The following CLMN variants were observed in gnomAD, a reference collection of about 807,000 sequenced individuals.
The protein encoded by CLMN is calmin (calponin-like, transmembrane).
CLMN carries 57 observed loss-of-function variants against 92.7 expected under a neutral mutation model. That is an observed-to-expected ratio of 0.61 (90% CI 0.50 to 0.77). The LOEUF is 0.77. Ranked by LOEUF, CLMN falls within the 30% of genes least tolerant of loss-of-function variation. The probability of loss-of-function intolerance (pLI) is 0.00; values close to 1 mark genes in which losing one functional copy is unlikely to be tolerated. For missense variants in CLMN, 1,158 were observed against 1,237.5 expected, an observed-to-expected ratio of 0.94 and a Z score of 0.96; for synonymous variants, 466 against 470.6, an observed-to-expected ratio of 0.99 and a Z score of 0.13.
intron 1 of CLMN, among the ~76,000 whole-genome samples, chr14:95,231,477 C>A (rs543264751): frequency 2.7e-4 from 41 of 152,246 alleles, no homozygotes; most frequent in African/African-American, 9.1e-4. Flanking sequence ...GGATTACAGG[C>A]GTGAGCCACC....
At chr14:95,227,570 G>A (rs1422129698) in intron 2 of CLMN, among the ~76,000 whole-genome samples, 3 of 152,210 alleles carry the variant, frequency 2.0e-5, no homozygotes, top group Non-Finnish European at 4.4e-5. Context: ...TTACTTCTGA[G>A]TTAAACCTGA....
intron 1 of CLMN, among the ~76,000 whole-genome samples, chr14:95,235,099 ACTCT>A (rs538757266): frequency 4.0e-5 from 6 of 150,398 alleles, no homozygotes; most frequent in Admixed American, 6.6e-5. Context: ...CCCAGAGAAA[ACTCT>A]CTCTCTTTCT....
intron 2 of CLMN, among the ~76,000 whole-genome samples, chr14:95,225,974 T>C (rs1312450382): frequency 1.3e-5 from 2 of 152,232 alleles, no homozygotes; most frequent in East Asian, 3.9e-4. Flanking sequence ...AGTGTGAGGA[T>C]TTGCAAACTC....
At chr14:95,261,036 G>A (rs1460472521) in intron 1 of CLMN, among the ~76,000 whole-genome samples, 1 of 151,998 alleles carries the variant, frequency 6.6e-6, no homozygotes, top group Non-Finnish European at 1.5e-5. Flanking sequence ...CACTAACACT[G>A]AACTCATGGC....
At chr14:95,213,971 G>A (rs1897262825) in intron 5 of CLMN, among the ~76,000 whole-genome samples, 1 of 152,024 alleles carries the variant, frequency 6.6e-6, no homozygotes, top group African/African-American at 2.4e-5. Context: ...AGATGAGTAG[G>A]AGGTCTAGCG....
At chr14:95,221,880 A>G (rs1897553917) in intron 3 of CLMN, 106 bp from the exon 4 acceptor site, 4 of 1,102,252 alleles carry the variant, frequency 3.6e-6, no homozygotes, top group Non-Finnish European at 5.2e-6. Flanking sequence ...ATGAATTTCA[A>G]GAAAAAGTTA....
intron 1 of CLMN, among the ~76,000 whole-genome samples, chr14:95,285,578 C>T (rs1900310299): frequency 6.6e-6 from 1 of 152,144 alleles, no homozygotes; most frequent in South Asian, 2.1e-4. Flanking sequence ...TAGAACATGC[C>T]TTCCTCCCCT....
intron 1 of CLMN, among the ~76,000 whole-genome samples, chr14:95,266,330 G>A (rs1899473593): frequency 6.6e-6 from 1 of 152,150 alleles, no homozygotes; most frequent in African/African-American, 2.4e-5. Context: ...ACCAAAAAAT[G>A]TTAGAACTGA....
intron 1 of CLMN, among the ~76,000 whole-genome samples, chr14:95,288,234 C>T (rs1278804960): frequency 6.6e-6 from 1 of 152,238 alleles, no homozygotes; most frequent in East Asian, 1.9e-4. Flanking sequence ...CTTACGTGAA[C>T]AGCTGCAAAC....
intron 1 of CLMN, among the ~76,000 whole-genome samples, chr14:95,274,860 T>C (rs1392474174): frequency 6.6e-6 from 1 of 151,602 alleles, no homozygotes; most frequent in Non-Finnish European, 1.5e-5. Flanking sequence ...GCGCCTGTAG[T>C]CCTAGCTACT....
chr14:95,209,502 GC>G lies in CLMN; in HGVS notation c.803-26del, dbSNP rs756888504. 15 of 1,575,610 alleles carry G rather than the reference GC, an allele frequency of 9.5e-6. No individual in the cohort carries two copies. In the African/African-American group the frequency reaches 1.6e-4, roughly 17 times the overall value. On this transcript the variant is annotated intron_variant, in intron 7 of 12. Coordinates refer to ENST00000298912, the MANE Select transcript of CLMN (RefSeq NM_024734.4). ...TCTGTCGAGAGAGACACAGGAATTA[GC>G]AGGAGATACAAACACACACGCTTTC... is the stretch of plus-strand genomic sequence containing the variant.
At chr14:95,198,576 C>T (rs956245544) in intron 9 of CLMN, among the ~76,000 whole-genome samples, 7 of 152,126 alleles carry the variant, frequency 4.6e-5, no homozygotes, top group South Asian at 4.1e-4. Context: ...GGTGAGGCAG[C>T]GGACCGGAGC....
intron 1 of CLMN, among the ~76,000 whole-genome samples, chr14:95,245,249 T>TA (rs1898486940): frequency 5.4e-5 from 2 of 36,940 alleles, no homozygotes; most frequent in Admixed American, 4.1e-4. Flanking sequence ...TATATATATA[T>TA]ATATAATATA....
intron 1 of CLMN, among the ~76,000 whole-genome samples, chr14:95,243,413 T>C (rs1898334407): frequency 6.6e-6 from 1 of 152,172 alleles, no homozygotes; most frequent in Non-Finnish European, 1.5e-5. Flanking sequence ...TACTTGAATT[T>C]TCTCCCGCCA....
At chr14:95,215,438 A>T (rs1318126630) in intron 5 of CLMN, among the ~76,000 whole-genome samples, 1 of 152,250 alleles carries the variant, frequency 6.6e-6, no homozygotes, top group Non-Finnish European at 1.5e-5. Context: ...TCTCTTCTAG[A>T]GAACTTGCAC....
chr14:95,255,902 T>C (rs1233018792), intron 1 of CLMN, among the ~76,000 whole-genome samples: 3 of 152,202 alleles, frequency 2.0e-5, no homozygotes, highest in East Asian at 1.9e-4. Flanking sequence ...AGTGTGGCGA[T>C]GTTTAGGAGC....
intron 1 of CLMN, among the ~76,000 whole-genome samples, chr14:95,248,447 G>A (rs1036909157): frequency 4.6e-5 from 7 of 152,146 alleles, no homozygotes; most frequent in East Asian, 1.9e-4. Context: ...AAATGAGAGC[G>A]AGGTTTGAAC....
intron 1 of CLMN, among the ~76,000 whole-genome samples, chr14:95,266,403 G>T (rs1899476707): frequency 6.6e-6 from 1 of 152,084 alleles, no homozygotes; most frequent in East Asian, 1.9e-4. Flanking sequence ...TTTATATGAC[G>T]AAAGCAAACA....
chr14:95,296,965 C>T (rs1403780894), intron 1 of CLMN, among the ~76,000 whole-genome samples: 1 of 152,168 alleles, frequency 6.6e-6, no homozygotes, highest in Non-Finnish European at 1.5e-5. Context: ...GATAAGAGAA[C>T]ACCTTCTGTT....
Sources: gnomAD v4.1 joint callset for allele counts (sites outside exome capture counted in the v4.1 genomes callset) on GRCh38, gnomAD v4.1.1 for gene constraint, MANE v1.5 for transcripts, NCBI Gene and HGNC (gene_info 2026-07-23, HGNC 2026-07-21) for gene names.